Variants in RPH3AL observed in about 807,000 individuals in gnomAD.
RPH3AL encodes rabphilin 3A like (without C2 domains), also known as rab effector Noc2.
A neutral mutation model predicts 43.1 loss-of-function variants in RPH3AL; 38 were observed. The ratio of observed to expected loss-of-function variants is 0.88; its 90% CI spans 0.68 to 1.15. RPH3AL has a LOEUF of 1.15. Ranked by LOEUF, RPH3AL falls within the 50% of genes most tolerant of loss-of-function variation. The pLI is 0.00. For synonymous variants in RPH3AL, 189 were observed against 176.3 expected (o/e 1.07, Z -0.57); for missense variants, 462 against 423.2 (o/e 1.09, Z -0.81).
At chr17:334,467 T>C (rs1185535503) in intron 1 of RPH3AL, among the ~76,000 whole-genome samples, 63 of 112,072 alleles carry the variant, frequency 5.6e-4, no homozygotes, top group Middle Eastern at 5.9e-3. Context: ...CCACGCCTTC[T>C]CCGAGGGCCA....
chr17:304,894 G>T, intron 5 of RPH3AL, among the ~76,000 whole-genome samples: 1 of 141,548 alleles, frequency 7.1e-6, no homozygotes, highest in Non-Finnish European at 1.5e-5. Flanking sequence ...CCAGCGCCAC[G>T]AGCTCCTAGG....
At chr17:284,523 G>T (rs1471455206) in intron 5 of RPH3AL, among the ~76,000 whole-genome samples, 5 of 152,100 alleles carry the variant, frequency 3.3e-5, no homozygotes, top group Non-Finnish European at 4.4e-5. Context: ...CGTGAGTGTG[G>T]CCTGATGCTG....
chr17:231,752 G>T (rs545817771), intron 7 of RPH3AL, among the ~76,000 whole-genome samples: 1 of 152,366 alleles, frequency 6.6e-6, no homozygotes, highest in African/African-American at 2.4e-5. Context: ...TAAGACAGGG[G>T]CAAGGGGCCC....
intron 5 of RPH3AL, among the ~76,000 whole-genome samples, chr17:317,035 C>A (rs62054983): frequency 1.4e-5 from 1 of 71,860 alleles, no homozygotes; most frequent in Non-Finnish European, 3.3e-5. Context: ...TCCACCTCCA[C>A]TGACCTGTAG....
intron 7 of RPH3AL, among the ~76,000 whole-genome samples, chr17:234,242 C>T (rs576512892): frequency 1.1e-5 from 1 of 95,126 alleles, no homozygotes; most frequent in African/African-American, 5.0e-5. Flanking sequence ...CAGGGAGCGG[C>T]TACTTACCCT....
intron 5 of RPH3AL, among the ~76,000 whole-genome samples, chr17:284,207 G>A (rs1439131515): frequency 6.6e-6 from 1 of 152,162 alleles, no homozygotes; most frequent in South Asian, 2.1e-4. Context: ...AGCAGTTATC[G>A]GACCGGGCCA....
chr17:331,328 A>C, intron 2 of RPH3AL: 1 of 314,308 alleles, frequency 3.2e-6, no homozygotes, highest in Non-Finnish European at 6.3e-6. Flanking sequence ...AGACGGAAGG[A>C]TGTCGCCTCC....
At chr17:268,910 G>T (rs368808242) in intron 6 of RPH3AL, among the ~76,000 whole-genome samples, 2 of 151,672 alleles carry the variant, frequency 1.3e-5, no homozygotes, top group Non-Finnish European at 2.9e-5. Context: ...ACGGAGTCTC[G>T]CTCCGTCACC....
chr17:263,335 G>C (rs2042244770), intron 6 of RPH3AL, among the ~76,000 whole-genome samples: 1 of 152,156 alleles, frequency 6.6e-6, no homozygotes, highest in Non-Finnish European at 1.5e-5. Context: ...GGGGACAGAG[G>C]GGAAGCAGAG....
chr17:321,728 C>T, intron 3 of RPH3AL: 1 of 333,558 alleles, frequency 3.0e-6, no homozygotes, highest in Non-Finnish European at 5.5e-6. Context: ...GGCCCAGGTG[C>T]CGTGTGCAGG....
intron 5 of RPH3AL, among the ~76,000 whole-genome samples, chr17:315,286 GCCCCC>G (rs2043944467): frequency 2.4e-4 from 20 of 82,916 alleles, no homozygotes; most frequent in South Asian, 7.6e-4. Flanking sequence ...TAGTCCCTGT[GCCCCC>G]ACCTCCAGTG....
Position 271,669 on chromosome 17 carries a change from C to T in RPH3AL, c.438+10099G>A, listed in dbSNP as rs577560040. On this transcript the variant is annotated intron_variant, in intron 6 of 9. Coordinates refer to ENST00000331302, the MANE Select transcript of RPH3AL (RefSeq NM_006987.4). Reference sequence around the variant, plus strand: ...CTTATCAGCTTAAGGAGATTTTGGGCTGAGACAACAGGGTTTTCTAGATAT... The same window carrying T: ...CTTATCAGCTTAAGGAGATTTTGGGTTGAGACAACAGGGTTTTCTAGATAT... 5.3e-5 allele frequency among the ~76,000 whole-genome samples: 8 copies of T among 152,316 alleles called. No homozygotes were observed. The South Asian group carries it at 1.7e-3, about 32-fold the overall frequency.
chr17:295,155 T>C (rs1373058117), intron 5 of RPH3AL, among the ~76,000 whole-genome samples: 1 of 101,298 alleles, frequency 9.9e-6, no homozygotes, highest in African/African-American at 4.0e-5. Context: ...GGAATGCACA[T>C]CAGTGTGGGA....
Position 290,921 on chromosome 17 carries a change from C to T in RPH3AL, c.352-9067G>A, listed in dbSNP as rs116750572. On this transcript the variant is annotated intron_variant, in intron 5 of 9. Transcript: ENST00000331302. This position sits in a 1 kb window ranked among gnomAD's most constrained non-coding sequence, Gnocchi z 4.2. ...GAGAGGGCTGTTCATGAGCCTCACT[C>T]GACCGAAAAGGGTGAAACTGCGCTC... 1.3e-5 allele frequency among the ~76,000 whole-genome samples: 2 copies of T among 152,246 alleles called. No homozygotes were observed. Among genetic ancestry groups the T allele is most frequent in the East Asian group, 1.9e-4 (1 of 5,178 alleles).
At chr17:262,010 C>G (rs2042206612) in intron 6 of RPH3AL, 1 of 152,048 alleles carries the variant, frequency 6.6e-6, no homozygotes, top group South Asian at 2.1e-4. Context: ...GAAACACAGT[C>G]AATAAAAACT....
At position 307,147 on chromosome 17, in the gene RPH3AL, T is replaced by C. The variant is rs191883123; in HGVS notation, c.351+12273A>G. On this transcript the variant is annotated intron_variant, in intron 5 of 9. Transcript: ENST00000331302. Reference sequence around the variant, plus strand: ...CACAGCAGATCCTCCCCATGGCAGGTCCTCCCCATGGCAGGCCCATCCCAC... The same window carrying C: ...CACAGCAGATCCTCCCCATGGCAGGCCCTCCCCATGGCAGGCCCATCCCAC... 4.7e-3 allele frequency among the ~76,000 whole-genome samples: 691 copies of C among 147,760 alleles called. 2 individuals carry two copies. The highest frequency in any genetic ancestry group is 7.5e-3 in the Non-Finnish European group (505 of 67,000).
At chr17:332,041 G>A in intron 2 of RPH3AL, 4 of 412,344 alleles carry the variant, frequency 9.7e-6, no homozygotes, top group South Asian at 5.9e-5. Context: ...AGCTCTGGGG[G>A]GAGCAGAGGC....
At position 327,452 on chromosome 17, in the gene RPH3AL, C is replaced by T; in HGVS notation, c.77+15G>A. The T allele has an allele frequency of 6.2e-7, 1 of 1,613,050 alleles. No homozygotes were observed. On this transcript the variant is annotated intron_variant, in intron 3 of 9. Coordinates refer to ENST00000331302, the MANE Select transcript of RPH3AL (RefSeq NM_006987.4). ...AGAAGGAAGGGACGGCCTGGGGGGCCCCAGAGGTACTCACTTGGCTCGAAG... is the reference window on the plus strand; with the variant it reads ...AGAAGGAAGGGACGGCCTGGGGGGCTCCAGAGGTACTCACTTGGCTCGAAG...
At position 287,069 on chromosome 17, in the gene RPH3AL, A is replaced by G. The variant is rs36165109; in HGVS notation, c.352-5215T>C. ...CCCTCTCTCTCCACCGTCAGACCTCACTCCCTCTCTCCACCGTCAGACCTC... is the reference window on the plus strand; with the variant it reads ...CCCTCTCTCTCCACCGTCAGACCTCGCTCCCTCTCTCCACCGTCAGACCTC... On this transcript the variant is annotated intron_variant, in intron 5 of 9. Coordinates refer to ENST00000331302, the MANE Select transcript of RPH3AL (RefSeq NM_006987.4). Among the ~76,000 whole-genome samples, 11 of 10,240 alleles carry G rather than the reference A, an allele frequency of 1.1e-3. 2 individuals carry two copies. Among genetic ancestry groups the G allele is most frequent in the African/African-American group, 1.7e-3 (6 of 3,584 alleles). 6.7% of individuals were successfully genotyped at this position (10,240 alleles called of 152,430 possible). A position where few individuals can be genotyped will look rare whatever the true frequency, so the allele number is the denominator to read the frequency against.
Sources: allele counts gnomAD v4.1 joint callset (sites outside exome capture counted in the v4.1 genomes callset), GRCh38; gene constraint gnomAD v4.1.1; non-coding constraint Gnocchi (gnomAD v3.1); transcripts MANE v1.5; gene names NCBI Gene and HGNC (gene_info 2026-07-23, HGNC 2026-07-21).